ARMH4: variants seen among roughly 807,000 people sequenced by gnomAD.
ARMH4 encodes armadillo-like helical domain-containing protein 4.
Under a neutral mutation model 61.9 loss-of-function variants are expected in ARMH4, and 49 were observed. The observed-to-expected ratio is 0.79, with a 90% confidence interval of 0.63 to 1.00. The LOEUF (loss-of-function observed/expected upper bound fraction) is 1.00, where lower values mean the gene tolerates loss of function less well. Among genes scored for constraint, ARMH4 ranks in the 50% least tolerant of loss-of-function variants. The pLI is 0.00. For missense variants in ARMH4, 934 were observed against 930.0 expected (o/e 1.00, Z -0.06); for synonymous variants, 368 against 341.5 (o/e 1.08, Z -0.85).
chr14:58,136,089 T>G (rs1887293729), intron 2 of ARMH4, among the ~76,000 whole-genome samples: 1 of 152,218 alleles, frequency 6.6e-6, no homozygotes, highest in African/African-American at 2.4e-5. Flanking sequence ...TCCTCATTTG[T>G]AAATTAATTG....
intron 5 of ARMH4, among the ~76,000 whole-genome samples, chr14:58,041,543 G>T (rs566700252): frequency 1.3e-5 from 2 of 152,214 alleles, no homozygotes; most frequent in East Asian, 3.9e-4. Flanking sequence ...CAACTAACAA[G>T]CAAAATAACC....
At chr14:58,014,832 G>C (rs1011469880) in intron 5 of ARMH4, among the ~76,000 whole-genome samples, 10 of 152,172 alleles carry the variant, frequency 6.6e-5, no homozygotes, top group Admixed American at 3.9e-4. Context: ...AGGAAAGCCA[G>C]TTGCTAGAGT....
chr14:58,111,694 T>C (rs1886358615), intron 4 of ARMH4, among the ~76,000 whole-genome samples: 1 of 151,976 alleles, frequency 6.6e-6, no homozygotes, highest in Non-Finnish European at 1.5e-5. Context: ...TCTTTTTTTT[T>C]TTTATTTCAT....
intron 4 of ARMH4, among the ~76,000 whole-genome samples, chr14:58,102,368 GAGATAAACCC>G (rs1389867754): frequency 1.3e-5 from 2 of 152,080 alleles, no homozygotes; most frequent in East Asian, 3.9e-4. Context: ...TGGTCCCAAA[GAGATAAACCC>G]ACATCTGGGC....
At chr14:58,121,335 G>C (rs1886714559) in intron 4 of ARMH4, among the ~76,000 whole-genome samples, 1 of 152,136 alleles carries the variant, frequency 6.6e-6, no homozygotes, top group South Asian at 2.1e-4. Flanking sequence ...TTACCAAGCA[G>C]TGCCGGACTG....
intron 5 of ARMH4, among the ~76,000 whole-genome samples, chr14:58,025,386 A>C (rs927748700): frequency 6.6e-6 from 1 of 152,302 alleles, no homozygotes; most frequent in Non-Finnish European, 1.5e-5. Flanking sequence ...TTATAAATAT[A>C]GTCTCTTTAA....
At chr14:58,107,654 C>T (rs1886207837) in intron 4 of ARMH4, among the ~76,000 whole-genome samples, 1 of 151,596 alleles carries the variant, frequency 6.6e-6, no homozygotes, top group Non-Finnish European at 1.5e-5. Flanking sequence ...GTCCCAGCTA[C>T]CTGGGAGGCT....
rs1187683839 is a variant in ARMH4 at position 58,013,359 on chromosome 14, T to C, written c.2090-1209A>G. On this transcript the variant is annotated intron_variant, in intron 5 of 7. Coordinates refer to ENST00000267485, the MANE Select transcript of ARMH4 (RefSeq NM_001001872.4). ...AATTTCATGTAATCTTCAAATGTCA[T>C]AAATATTTTTCTTTTGATTTTTTTC... is the stretch of plus-strand genomic sequence containing the variant. Among the ~76,000 whole-genome samples the C allele has an allele frequency of 2.6e-5, 4 of 152,132 alleles. No individual in the cohort carries two copies. In the East Asian group the frequency reaches 7.8e-4, roughly 30 times the overall value.
At chr14:58,042,423 C>T (rs1883758695) in intron 5 of ARMH4, among the ~76,000 whole-genome samples, 1 of 152,032 alleles carries the variant, frequency 6.6e-6, no homozygotes, top group South Asian at 2.1e-4. Context: ...CACAACATAC[C>T]AGAATCTCTG....
intron 1 of ARMH4, among the ~76,000 whole-genome samples, chr14:58,140,275 CA>C (rs143301335): frequency 5.1e-4 from 67 of 131,286 alleles, no homozygotes; most frequent in Admixed American, 8.1e-4. Flanking sequence ...AACTCCATCT[CA>C]AAAAAAAAAA....
chr14:58,131,120 T>C (rs1375367516), intron 4 of ARMH4: 1 of 181,156 alleles, frequency 5.5e-6, no homozygotes, highest in Non-Finnish European at 1.2e-5. Context: ...GTTTCAGGCT[T>C]TGTGGGCCAC....
chr14:58,071,947 A>T (rs1217733597), intron 5 of ARMH4, among the ~76,000 whole-genome samples: 1 of 152,216 alleles, frequency 6.6e-6, no homozygotes, highest in Non-Finnish European at 1.5e-5. Flanking sequence ...TTTGTGCCCC[A>T]TGGGCACCTT....
intron 5 of ARMH4, among the ~76,000 whole-genome samples, chr14:58,035,024 G>A (rs1319271498): frequency 4.3e-5 from 5 of 115,084 alleles, no homozygotes; most frequent in African/African-American, 9.3e-5. Context: ...GGATACCCAG[G>A]AATTTAACTC....
chr14:58,096,067 C>A (rs1226875289), intron 5 of ARMH4, among the ~76,000 whole-genome samples: 1 of 152,138 alleles, frequency 6.6e-6, no homozygotes, highest in Non-Finnish European at 1.5e-5. Flanking sequence ...GAGGAGCGGC[C>A]TGCATCCTCC....
In ARMH4 at chr14:58,026,587, C is replaced by T. The variant is rs537656781; in HGVS notation, c.2090-14437G>A. On this transcript the variant is annotated intron_variant, in intron 5 of 7. Transcript: ENST00000267485. ...TTTACTGCTTTCTGAAGTTCAGTAT[C>T]ATCAAGCTTCCAGTGCAAAGTCAAG... Among the ~76,000 whole-genome samples, 6 of 152,308 alleles carry T rather than the reference C, an allele frequency of 3.9e-5. No individual in the cohort carries two copies. The South Asian group carries it at 1.2e-3, about 32-fold the overall frequency.
At chr14:58,060,662 C>A (rs898479368) in intron 5 of ARMH4, among the ~76,000 whole-genome samples, 1 of 152,096 alleles carries the variant, frequency 6.6e-6, no homozygotes, top group African/African-American at 2.4e-5. Context: ...AATAAGACAA[C>A]CAGATGGAGC....
chr14:58,081,657 C>T (rs913032535), intron 5 of ARMH4, among the ~76,000 whole-genome samples: 4 of 152,100 alleles, frequency 2.6e-5, no homozygotes, highest in Non-Finnish European at 4.4e-5. Flanking sequence ...CCCACCACCA[C>T]GCCTGGCTAA....
chr14:58,105,757 G>A (rs774364008), intron 4 of ARMH4, among the ~76,000 whole-genome samples: 1 of 150,936 alleles, frequency 6.6e-6, no homozygotes, highest in Non-Finnish European at 1.5e-5. Context: ...GTAGAAACAT[G>A]TCCTATGTCA....
rs72336341 is a variant in ARMH4 at position 58,054,869 on chromosome 14, C to CAA, written c.2089+41853_2089+41854dup. Among the ~76,000 whole-genome samples, 56 of 104,118 alleles carry CAA rather than the reference C, an allele frequency of 5.4e-4. 2 individuals carry two copies. Among genetic ancestry groups the CAA allele is most frequent in the African/African-American group, 1.2e-3 (32 of 26,900 alleles). The allele number at this position is 104,118 out of a possible 152,430, so 68.3% of individuals were successfully genotyped here. On this transcript the variant is annotated intron_variant, in intron 5 of 7. Coordinates refer to ENST00000267485, the MANE Select transcript of ARMH4 (RefSeq NM_001001872.4). Reference sequence around the variant, plus strand: ...TGTGTGCAAGAGAAGGACTCTGTCTCAAAAAAAAAAAAAAAATAATAATAA... The same window carrying CAA: ...TGTGTGCAAGAGAAGGACTCTGTCTCAAAAAAAAAAAAAAAAAATAATAATAA...
Sources: gnomAD v4.1 joint callset for allele counts (sites outside exome capture counted in the v4.1 genomes callset) on GRCh38, gnomAD v4.1.1 for gene constraint, MANE v1.5 for transcripts, NCBI Gene and HGNC (gene_info 2026-07-23, HGNC 2026-07-21) for gene names.